The following IP6K3 variants were observed in gnomAD, a reference collection of about 807,000 sequenced individuals.
IP6K3 encodes the protein ATP:1D-myo-inositol-hexakisphosphate phosphotransferase.
Under a neutral mutation model 28.8 loss-of-function variants are expected in IP6K3, and 20 were observed. That is an observed-to-expected ratio of 0.70 (90% CI 0.49 to 1.01). IP6K3 has a LOEUF of 1.01. Among genes scored for constraint, IP6K3 ranks in the 50% least tolerant of loss-of-function variants. The probability of loss-of-function intolerance (pLI) is 0.00; values close to 1 mark genes in which losing one functional copy is unlikely to be tolerated. For synonymous variants in IP6K3, 213 were observed against 221.3 expected, an observed-to-expected ratio of 0.96 and a Z score of 0.33; for missense variants, 480 against 537.1, an observed-to-expected ratio of 0.89 and a Z score of 1.05.
intron 4 of IP6K3, 106 bp downstream of exon 4, chr6:33,726,625 C>G (rs1057198136): frequency 4.3e-6 from 5 of 1,164,404 alleles, no homozygotes; most frequent in African/African-American, 1.5e-5. Context: ...CTGCTACCCT[C>G]CATTGGCCCC....
chr6:33,749,430 C>T (rs370764831), upstream of IP6K3, among the ~76,000 whole-genome samples: 55 of 152,128 alleles, frequency 3.6e-4, no homozygotes, highest in African/African-American at 1.2e-3. Flanking sequence ...TTTCCAACTT[C>T]AGCCAATTTC....
rs181365084 is a variant in IP6K3, at chr6:33,738,575, C to A, written c.-179-2920G>T. 8.5e-5 allele frequency among the ~76,000 whole-genome samples: 13 copies of A among 152,290 alleles called. No homozygotes were observed. The East Asian group carries it at 2.1e-3, about 25-fold the overall frequency. On this transcript the variant is annotated intron_variant, in intron 1 of 5. Coordinates refer to ENST00000293756, the MANE Select transcript of IP6K3 (RefSeq NM_054111.5). ...TAACCCTATGAGGCAATTCGTGTTA[C>A]CAGCCCCGTTTTACAGATGAGAAAA...
chr6:33,754,644 G>C, the IP6K3 span, among the ~76,000 whole-genome samples: 15 of 152,134 alleles, frequency 9.9e-5, no homozygotes, highest in African/African-American at 3.4e-4. Context: ...GGGCAGGTTG[G>C]TGGTCAGGGA....
intron 2 of IP6K3, among the ~76,000 whole-genome samples, chr6:33,734,683 C>CA (rs1230958165): frequency 6.6e-6 from 1 of 152,244 alleles, no homozygotes; most frequent in African/African-American, 2.4e-5. Context: ...CCTCCCCACC[C>CA]ACTTTCTTTC....
At chr6:33,730,453 C>T (rs1029727840) in intron 2 of IP6K3, among the ~76,000 whole-genome samples, 2 of 152,200 alleles carry the variant, frequency 1.3e-5, no homozygotes, top group Non-Finnish European at 2.9e-5. Flanking sequence ...GCTCCCGTGT[C>T]CTGTGAAGTC....
chr6:33,723,687 TTGAAG>T (rs1245388935), intron 5 of IP6K3, among the ~76,000 whole-genome samples: 1 of 152,222 alleles, frequency 6.6e-6, no homozygotes, highest in Non-Finnish European at 1.5e-5. Context: ...GTAATGCCTC[TTGAAG>T]TGGAGTGGGG....
At chr6:33,758,455 G>A in the IP6K3 span, among the ~76,000 whole-genome samples, 16 of 152,190 alleles carry the variant, frequency 1.1e-4, no homozygotes, top group African/African-American at 3.6e-4. Flanking sequence ...GAGCCCGGGA[G>A]GTTGAGGCTG....
chr6:33,758,546 AAAC>A, the IP6K3 span, among the ~76,000 whole-genome samples: 1 of 152,188 alleles, frequency 6.6e-6, no homozygotes, highest in South Asian at 2.1e-4. Context: ...CTCAGGGAAT[AAAC>A]AACAACCAAC....
intron 1 of IP6K3, among the ~76,000 whole-genome samples, chr6:33,736,829 T>A (rs757322415): frequency 2.6e-5 from 4 of 152,108 alleles, no homozygotes; most frequent in African/African-American, 9.7e-5. Flanking sequence ...TTTCTCCTTC[T>A]CCCTCTGTAG....
At chr6:33,729,709 T>C (rs1766250467) in intron 2 of IP6K3, among the ~76,000 whole-genome samples, 1 of 151,844 alleles carries the variant, frequency 6.6e-6, no homozygotes, top group Admixed American at 6.6e-5. Flanking sequence ...TCCTTTTTTC[T>C]TTCTTTCTTT....
upstream of IP6K3, among the ~76,000 whole-genome samples, chr6:33,750,552 G>T (rs1767009217): frequency 6.6e-6 from 1 of 152,182 alleles, no homozygotes; most frequent in Non-Finnish European, 1.5e-5. The surrounding 1 kb of genome is among the most constrained non-coding windows in gnomAD (Gnocchi z 4.3). Flanking sequence ...ATATTTATGT[G>T]TGTGACTTGC....
At chr6:33,741,470 C>T (rs1766715482) in intron 1 of IP6K3, among the ~76,000 whole-genome samples, 1 of 151,456 alleles carries the variant, frequency 6.6e-6, no homozygotes, top group Non-Finnish European at 1.5e-5. Context: ...TGGTGAAACC[C>T]CCTCTCTACT....
chr6:33,734,203 C>CA (rs144943744), intron 2 of IP6K3, among the ~76,000 whole-genome samples: 21 of 108,542 alleles, frequency 1.9e-4, no homozygotes, highest in Admixed American at 5.6e-4. Flanking sequence ...AACTCCGTCT[C>CA]AAAAAAAAAA....
intron 2 of IP6K3, among the ~76,000 whole-genome samples, chr6:33,732,157 C>G (rs1766343466): frequency 6.6e-6 from 1 of 152,242 alleles, no homozygotes; most frequent in Non-Finnish European, 1.5e-5. Flanking sequence ...TGCTGGCCGG[C>G]AGCCTGGCAG....
the IP6K3 span, among the ~76,000 whole-genome samples, chr6:33,757,509 C>T: frequency 6.6e-6 from 1 of 152,162 alleles, no homozygotes; most frequent in East Asian, 1.9e-4. Flanking sequence ...ATCCTCCACC[C>T]AATTGGGCCG....
chr6:33,739,434 G>T (rs946803188), intron 1 of IP6K3, among the ~76,000 whole-genome samples: 2 of 152,180 alleles, frequency 1.3e-5, no homozygotes, highest in Non-Finnish European at 2.9e-5. Context: ...GGAGGAGGGA[G>T]GAGCAGTGGC....
Position 33,722,782 on chromosome 6 carries a change from C to T in IP6K3, c.1171G>A (p.Gly391Ser), listed in dbSNP as rs1163556188. The change falls in exon 6 of 6, where the codon GGC becomes AGC. Residue 391 changes from glycine to serine, a missense_variant. Physicochemically the swap from Gly to Ser is moderately conservative, Grantham distance 56. Transcript: ENST00000293756. Reference sequence around the variant, plus strand: ...AGGTTTTCCAGGCCAAAAATATAGCCAGGGTCTGGTCCATCGTAGGTGGTG... The same window carrying T: ...AGGTTTTCCAGGCCAAAAATATAGCTAGGGTCTGGTCCATCGTAGGTGGTG... ...EHTTYDGPDP[G>S]YIFGLENLIR... 4 of 1,613,964 alleles carry T rather than the reference C, an allele frequency of 2.5e-6. No homozygotes were observed. Among genetic ancestry groups the T allele is most frequent in the Non-Finnish European group, 3.4e-6 (4 of 1,179,944 alleles).
Position 33,722,677 on chromosome 6 carries a change from T to G in IP6K3, c.*43A>C. On this transcript the variant is annotated 3_prime_UTR_variant, in exon 6 of 6. Coordinates refer to ENST00000293756, the MANE Select transcript of IP6K3 (RefSeq NM_054111.5). ...CCCTAGCAACCAACAGGTCTCTATTTGAGATCTATAGCCCAGAAGAATCCA... is the reference window on the plus strand; with the variant it reads ...CCCTAGCAACCAACAGGTCTCTATTGGAGATCTATAGCCCAGAAGAATCCA... 64 of 1,368,864 alleles carry G rather than the reference T, an allele frequency of 4.7e-5. No individual in the cohort carries two copies. The highest frequency in any genetic ancestry group is 1.9e-4 in the Middle Eastern group (1 of 5,388). 84.8% of individuals were successfully genotyped at this position (1,368,864 alleles called of 1,614,324 possible).
In IP6K3 at chr6:33,723,192, C is replaced by G; in HGVS notation, c.766-5G>C. On this transcript the variant is annotated splice_polypyrimidine_tract_variant and splice_region_variant and intron_variant, in intron 5 of 5. Transcript: ENST00000293756. ...CTTCTTATCTGTTTGATAAACCTTACATTAAAAAGAATAAAGAAAATGTGA... is the reference window on the plus strand; with the variant it reads ...CTTCTTATCTGTTTGATAAACCTTAGATTAAAAAGAATAAAGAAAATGTGA... 1 of 1,530,914 alleles carries G rather than the reference C, an allele frequency of 6.5e-7. No homozygotes were observed. The allele number at this position is 1,530,914 out of a possible 1,614,324, so 94.8% of individuals were successfully genotyped here.
Sources: gnomAD v4.1 joint callset for allele counts (sites outside exome capture counted in the v4.1 genomes callset) on GRCh38, gnomAD v4.1.1 for gene constraint, Gnocchi (gnomAD v3.1) non-coding constraint, MANE v1.5 for transcripts, NCBI Gene and HGNC (gene_info 2026-07-23, HGNC 2026-07-21) for gene names.